The following PARK7 variants were observed in gnomAD, a reference collection of about 807,000 sequenced individuals.
PARK7 encodes Parkinsonism associated deglycase.
A neutral mutation model predicts 20.5 loss-of-function variants in PARK7; 14 were observed. That is an observed-to-expected ratio of 0.68 (90% CI 0.45 to 1.07). PARK7 has a LOEUF of 1.07. Ranked by LOEUF, PARK7 falls within the 50% of genes least tolerant of loss-of-function variation. The probability of loss-of-function intolerance (pLI) is 0.00; values close to 1 mark genes in which losing one functional copy is unlikely to be tolerated. For missense variants in PARK7, 234 were observed against 238.1 expected, an observed-to-expected ratio of 0.98 and a Z score of 0.11; for synonymous variants, 98 against 84.3, an observed-to-expected ratio of 1.16 and a Z score of -0.89.
chr1:7,979,165 G>A (rs1640658945), intron 6 of PARK7, among the ~76,000 whole-genome samples: 1 of 152,222 alleles, frequency 6.6e-6, no homozygotes, highest in East Asian at 1.9e-4. Flanking sequence ...ATCCTTGAAT[G>A]CCGCTGTGAG....
intron 4 of PARK7, among the ~76,000 whole-genome samples, chr1:7,970,390 G>GC (rs1325396263): frequency 6.6e-6 from 1 of 152,198 alleles, no homozygotes; most frequent in Non-Finnish European, 1.5e-5. Context: ...GGCTAGGGCT[G>GC]CCAGCAGGAA....
intron 5 of PARK7, among the ~76,000 whole-genome samples, chr1:7,972,304 C>T (rs115994882): frequency 3.2e-4 from 48 of 152,126 alleles, no homozygotes; most frequent in African/African-American, 1.1e-3. Flanking sequence ...TCTCAACAAA[C>T]AAACAAACAA....
intron 2 of PARK7, 58 bp downstream of exon 2, chr1:7,962,933 T>C: frequency 7.5e-7 from 1 of 1,338,340 alleles, no homozygotes; most frequent in Non-Finnish European, 1.1e-6. Context: ...GATTTTTAAA[T>C]CATTTTGAAT....
chr1:7,962,794 C>T lies in PARK7; in HGVS notation c.9C>T (p.Ser3=). The change falls in exon 2 of 7, where the codon TCC becomes TCT. Residue 3 remains serine (S), a synonymous_variant. Coordinates refer to ENST00000338639, the MANE Select transcript of PARK7 (RefSeq NM_007262.5). MA[S]KRALVILAKG... is the part of the protein sequence containing the mutation. ...AAACATATAACATAAAAATGGCTTC[C>T]AAAAGAGCTCTGGTCATCCTGGCTA... 2 of 1,604,278 alleles carry T rather than the reference C, an allele frequency of 1.2e-6. No homozygotes were observed. Among genetic ancestry groups the T allele is most frequent in the Non-Finnish European group, 8.5e-7 (1 of 1,175,086 alleles).
intron 5 of PARK7, among the ~76,000 whole-genome samples, chr1:7,976,727 T>A (rs938485732): frequency 2.0e-5 from 3 of 152,318 alleles, no homozygotes. Context: ...TTATTTATTT[T>A]TTATTTATTT....
At chr1:7,975,920 A>T (rs750368460) in intron 5 of PARK7, among the ~76,000 whole-genome samples, 6 of 152,242 alleles carry the variant, frequency 3.9e-5, no homozygotes, top group Non-Finnish European at 7.3e-5. Flanking sequence ...TTGCTACCAT[A>T]CATAGCTGTC....
At chr1:7,977,094 G>T (rs767129832) in intron 5 of PARK7, among the ~76,000 whole-genome samples, 1 of 152,166 alleles carries the variant, frequency 6.6e-6, no homozygotes, top group African/African-American at 2.4e-5. Flanking sequence ...AGTACCAGTT[G>T]CCTTTAGCAT....
At chr1:7,968,308 A>C (rs1424161953) in intron 3 of PARK7, among the ~76,000 whole-genome samples, 1 of 150,932 alleles carries the variant, frequency 6.6e-6, no homozygotes, top group Non-Finnish European at 1.5e-5. Context: ...GTCTCAAAAA[A>C]AAAAAAAAAA....
intron 5 of PARK7, among the ~76,000 whole-genome samples, chr1:7,974,137 C>CCCA (rs1306598846): frequency 6.7e-6 from 1 of 148,886 alleles, no homozygotes; most frequent in Non-Finnish European, 1.5e-5. Context: ...TAGTGAGACC[C>CCCA]CCCCACCGAC....
rs550038624 is a variant in PARK7 at position 7,966,652 on chromosome 1, ACAG to A, written c.192+1231_192+1233del. Among the ~76,000 whole-genome samples, 499 of 152,212 alleles carry A rather than the reference ACAG, an allele frequency of 3.3e-3. 4 individuals are homozygous for A. Among genetic ancestry groups the A allele is most frequent in the Non-Finnish European group, 1.7e-3 (116 of 68,018 alleles). ...GGTTGCTTGAGCCCAGGAATTTGAG[ACAG>A]CAGTGAACTGTGATTGTGCCATTGC... On this transcript the variant is annotated intron_variant, in intron 3 of 6. Coordinates refer to ENST00000338639, the MANE Select transcript of PARK7 (RefSeq NM_007262.5).
chr1:7,976,061 ATCT>A (rs1359707751), intron 5 of PARK7, among the ~76,000 whole-genome samples: 1 of 152,198 alleles, frequency 6.6e-6, no homozygotes, highest in Non-Finnish European at 1.5e-5. Flanking sequence ...TATTTGTGTG[ATCT>A]TCCTGTTTGT....
chr1:7,967,706 C>T (rs1395864504), intron 3 of PARK7, among the ~76,000 whole-genome samples: 1 of 151,740 alleles, frequency 6.6e-6, no homozygotes, highest in Middle Eastern at 3.2e-3. Context: ...ATTACCTGAG[C>T]CCAGGAGTTT....
chr1:7,982,108 G>A (rs1293160571), intron 6 of PARK7, among the ~76,000 whole-genome samples: 8 of 150,444 alleles, frequency 5.3e-5, no homozygotes, highest in African/African-American at 1.7e-4. Flanking sequence ...CTGAATAGCT[G>A]GGATTACAGG....
chr1:7,969,370 C>T lies in PARK7; in HGVS notation c.218C>T (p.Pro73Leu), dbSNP rs367584305. 1.7e-5 allele frequency: 27 copies of T among 1,611,706 alleles called. No homozygotes were observed. Among genetic ancestry groups the T allele is most frequent in the East Asian group, 4.5e-5 (2 of 44,812 alleles). ...GGACCATATGATGTGGTGGTTCTAC[C>T]AGGAGGTAATCTGGGCGCACAGAAT... Reference protein sequence around the residue: ...KEGPYDVVVLPGGNLGAQNLS... With the variant: ...KEGPYDVVVLLGGNLGAQNLS... Residue 73 changes from proline to leucine, a missense_variant, in exon 4 of 7, where the codon CCA becomes CTA. Coordinates refer to ENST00000338639, the MANE Select transcript of PARK7 (RefSeq NM_007262.5).
intron 3 of PARK7, among the ~76,000 whole-genome samples, chr1:7,966,502 CCTGGG>C (rs1217885157): frequency 1.3e-5 from 2 of 151,820 alleles, no homozygotes; most frequent in African/African-American, 2.4e-5. Flanking sequence ...TTGAGACCAG[CCTGGG>C]CAACATAGCG....
intron 5 of PARK7, among the ~76,000 whole-genome samples, chr1:7,974,445 C>T (rs559077343): frequency 4.6e-5 from 7 of 151,926 alleles, no homozygotes; most frequent in East Asian, 1.9e-4. Context: ...CTGGCTAACA[C>T]GGTGAAACCC....
At chr1:7,979,722 G>T (rs763835036) in intron 6 of PARK7, among the ~76,000 whole-genome samples, 1 of 152,104 alleles carries the variant, frequency 6.6e-6, no homozygotes, top group Non-Finnish European at 1.5e-5. Flanking sequence ...GTCTGGTCTT[G>T]AACTCCTGGC....
At position 7,965,434 on chromosome 1, in the gene PARK7, T is replaced by C; in HGVS notation, c.192+9T>C. 6.2e-7 allele frequency: 1 copy of C among 1,610,732 alleles called. No homozygotes were observed. Among genetic ancestry groups the C allele is most frequent in the Non-Finnish European group, 8.5e-7 (1 of 1,176,874 alleles). On this transcript the variant is annotated intron_variant, in intron 3 of 6. Coordinates refer to ENST00000338639, the MANE Select transcript of PARK7 (RefSeq NM_007262.5). Reference sequence around the variant, plus strand: ...AAGATGCAAAAAAAGAGGTTTGTAATCCATACATGGAGTTATTCCTTCATA... The same window carrying C: ...AAGATGCAAAAAAAGAGGTTTGTAACCCATACATGGAGTTATTCCTTCATA...
rs1553125048 is a variant in PARK7 at position 7,985,257 on chromosome 1, G to A, written c.*203G>A. The A allele has an allele frequency of 6.1e-6, 4 of 651,706 alleles. No individual in the cohort carries two copies. Among genetic ancestry groups the A allele is most frequent in the Non-Finnish European group, 1.0e-5 (4 of 383,652 alleles). 40.4% of individuals were successfully genotyped at this position (651,706 alleles called of 1,614,324 possible). A position where few individuals can be genotyped will look rare whatever the true frequency, so the allele number is the denominator to read the frequency against. On this transcript the variant is annotated 3_prime_UTR_variant, in exon 7 of 7. Transcript: ENST00000338639. The stretch of plus-strand genomic sequence containing the variant: ...TATACATTTCTAAGCCTTGTTTGCA[G>A]AATAAACAGGGCATTTAGCAAACTA...
Sources: allele counts gnomAD v4.1 joint callset (sites outside exome capture counted in the v4.1 genomes callset), GRCh38; gene constraint gnomAD v4.1.1; transcripts MANE v1.5; gene names NCBI Gene and HGNC (gene_info 2026-07-23, HGNC 2026-07-21).